The following LDB2 variants were observed in gnomAD, a reference collection of about 807,000 sequenced individuals.
LDB2 encodes the protein LIM domain-binding protein 2.
Under a neutral mutation model 44.3 loss-of-function variants are expected in LDB2, and 12 were observed. The observed-to-expected ratio is 0.27, with a 90% CI of 0.17 to 0.44. The LOEUF is 0.44. Among genes scored for constraint, LDB2 ranks in the 20% least tolerant of loss-of-function variants. LDB2 has a pLI of 1.00. For synonymous variants in LDB2, 164 were observed against 174.8 expected (o/e 0.94, Z 0.49); for missense variants, 344 against 473.5 (o/e 0.73, Z 2.54).
chr4:16,602,001 G>A (rs115797615), intron 2 of LDB2, among the ~76,000 whole-genome samples: 2,193 of 152,130 alleles, frequency 0.014, 31 homozygotes, highest in Non-Finnish European at 0.024. Context: ...AATGCAAGTC[G>A]AATTAATTAA....
chr4:16,538,381 A>G (rs11947427), intron 5 of LDB2, among the ~76,000 whole-genome samples: 23,287 of 141,078 alleles, frequency 0.17, 1,958 homozygotes, highest in African/African-American at 0.22. Flanking sequence ...TTCTTTTTAT[A>G]CCTGCTGGAA....
At chr4:16,793,544 T>C (rs1386183090) in intron 1 of LDB2, among the ~76,000 whole-genome samples, 3 of 152,306 alleles carry the variant, frequency 2.0e-5, no homozygotes, top group Non-Finnish European at 4.4e-5. Context: ...TTTTTTCTCA[T>C]GTTAAAGGGT....
At chr4:16,655,836 T>C (rs1239897683) in intron 2 of LDB2, among the ~76,000 whole-genome samples, 1 of 151,084 alleles carries the variant, frequency 6.6e-6, no homozygotes, top group African/African-American at 2.4e-5. Context: ...AGTCAGTTTT[T>C]CTATGTCAAA....
intron 1 of LDB2, among the ~76,000 whole-genome samples, chr4:16,877,320 G>A (rs1718730323): frequency 1.3e-5 from 2 of 152,136 alleles, no homozygotes; most frequent in Admixed American, 1.3e-4. Context: ...TTCCCACTAT[G>A]TGGAATAAAC....
At chr4:16,668,224 T>C (rs1002872011) in intron 2 of LDB2, among the ~76,000 whole-genome samples, 1 of 152,110 alleles carries the variant, frequency 6.6e-6, no homozygotes, top group Admixed American at 6.6e-5. Flanking sequence ...ATGGTCAAAA[T>C]GGCTTGAAAA....
In LDB2 at chr4:16,898,567, C is replaced by G; in HGVS notation, c.-82G>C. On this transcript the variant is annotated 5_prime_UTR_variant, in exon 1 of 8. Coordinates refer to ENST00000304523, the MANE Select transcript of LDB2 (RefSeq NM_001290.5). ...CACATGGGCTGTGTTCTTCCCAGTA[C>G]AAAGTAGACGCACGCACACACGCTC... 1 of 1,435,224 alleles carries G rather than the reference C, an allele frequency of 7.0e-7. No homozygotes were observed. Among genetic ancestry groups the G allele is most frequent in the Non-Finnish European group, 9.6e-7 (1 of 1,039,664 alleles). The allele number at this position is 1,435,224 out of a possible 1,614,324, so 88.9% of individuals were successfully genotyped here.
At chr4:16,580,885 C>A (rs966677389) in intron 5 of LDB2, among the ~76,000 whole-genome samples, 8 of 152,174 alleles carry the variant, frequency 5.3e-5, no homozygotes, top group Non-Finnish European at 1.0e-4. Context: ...ATAAAATAGA[C>A]ATCAATTACT....
At chr4:16,606,448 GT>G in intron 2 of LDB2, among the ~76,000 whole-genome samples, 1 of 152,294 alleles carries the variant, frequency 6.6e-6, no homozygotes, top group Non-Finnish European at 1.5e-5. Context: ...AGCCCTGATA[GT>G]ACCTGTTTCA....
chr4:16,703,327 T>C (rs986839725), intron 2 of LDB2, among the ~76,000 whole-genome samples: 2 of 152,200 alleles, frequency 1.3e-5, no homozygotes, highest in African/African-American at 4.8e-5. Context: ...TGGGGCAGAA[T>C]GTTCCAGGTA....
At chr4:16,769,064 T>G (rs755952181) in intron 1 of LDB2, among the ~76,000 whole-genome samples, 2 of 152,186 alleles carry the variant, frequency 1.3e-5, no homozygotes, top group Non-Finnish European at 2.9e-5. Context: ...TGTTTCAACA[T>G]CCAGTCAAGG....
intron 5 of LDB2, among the ~76,000 whole-genome samples, chr4:16,551,387 A>C (rs1737604411): frequency 6.6e-6 from 1 of 152,236 alleles, no homozygotes; most frequent in Non-Finnish European, 1.5e-5. Flanking sequence ...TCTATTTTCA[A>C]GGCACCTGTG....
intron 5 of LDB2, among the ~76,000 whole-genome samples, chr4:16,530,469 C>G (rs769972541): frequency 2.0e-5 from 3 of 152,214 alleles, no homozygotes; most frequent in Non-Finnish European, 4.4e-5. Context: ...GTTTGCCCAG[C>G]AGCAGAAAGT....
intron 1 of LDB2, among the ~76,000 whole-genome samples, chr4:16,886,131 A>T (rs1427112236): frequency 6.6e-6 from 1 of 152,008 alleles, no homozygotes; most frequent in African/African-American, 2.4e-5. Context: ...AGGCTCAAGG[A>T]TCACTTGAGC....
intron 1 of LDB2, among the ~76,000 whole-genome samples, chr4:16,880,362 C>T (rs115557618): frequency 2.5e-3 from 388 of 152,262 alleles, no homozygotes; most frequent in Middle Eastern, 6.8e-3. Flanking sequence ...ATCCAGAGCA[C>T]TTTGCTAAGC....
chr4:16,608,955 G>C (rs73799207), intron 2 of LDB2, among the ~76,000 whole-genome samples: 4,174 of 152,180 alleles, frequency 0.027, 188 homozygotes, highest in African/African-American at 0.093. Context: ...TGGGGGGCGG[G>C]GCCAAGACGG....
intron 1 of LDB2, among the ~76,000 whole-genome samples, chr4:16,829,264 CAG>C: frequency 6.6e-6 from 1 of 152,278 alleles, no homozygotes; most frequent in South Asian, 2.1e-4. Flanking sequence ...TCATCACACT[CAG>C]AGCTTGTAAG....
chr4:16,521,075 C>T (rs764904003), intron 5 of LDB2, among the ~76,000 whole-genome samples: 2 of 152,104 alleles, frequency 1.3e-5, no homozygotes, highest in Non-Finnish European at 2.9e-5. Flanking sequence ...TGGCTTCAGG[C>T]GAGGTTTGGC....
Position 16,671,108 on chromosome 4 carries a change from C to CAA in LDB2, c.236-75235_236-75234dup, listed in dbSNP as rs200098086. 8.7e-3 allele frequency among the ~76,000 whole-genome samples: 967 copies of CAA among 111,510 alleles called. 5 individuals carry two copies. Among genetic ancestry groups the CAA allele is most frequent in the South Asian group, 0.016 (61 of 3,738 alleles). The allele number at this position is 111,510 out of a possible 152,430, so 73.2% of individuals were successfully genotyped here. A position where few individuals can be genotyped will look rare whatever the true frequency, so the allele number is the denominator to read the frequency against. ...AAAATTCTTTTTAAAATAGCACATA[C>CAA]AAAAAAAAAAAACAAAAAAAACAAG... On this transcript the variant is annotated intron_variant, in intron 2 of 7. Transcript: ENST00000304523.
intron 1 of LDB2, among the ~76,000 whole-genome samples, chr4:16,849,525 C>A (rs1787769541): frequency 6.6e-6 from 1 of 152,166 alleles, no homozygotes; most frequent in Non-Finnish European, 1.5e-5. Flanking sequence ...AACCCAAAGG[C>A]AATGTCTAAA....
Sources: gnomAD v4.1 joint callset for allele counts (sites outside exome capture counted in the v4.1 genomes callset) on GRCh38, gnomAD v4.1.1 for gene constraint, MANE v1.5 for transcripts, NCBI Gene and HGNC (gene_info 2026-07-23, HGNC 2026-07-21) for gene names.